The following ROBO2 variants were observed in gnomAD, a reference collection of about 807,000 sequenced individuals.
The protein encoded by ROBO2 is roundabout guidance receptor 2.
Under a neutral mutation model 160.8 loss-of-function variants are expected in ROBO2, and 53 were observed. That is an observed-to-expected ratio of 0.33 (90% CI 0.26 to 0.41). ROBO2 has a LOEUF of 0.41. Among genes scored for constraint, ROBO2 ranks in the 10% least tolerant of loss-of-function variants. The pLI is 1.00. For synonymous variants in ROBO2, 664 were observed against 611.7 expected (o/e 1.09, Z -1.26); for missense variants, 1,577 against 1,722.4 (o/e 0.92, Z 1.49).
At chr3:77,530,082 C>G (rs2091537775) in intron 6 of ROBO2, among the ~76,000 whole-genome samples, 1 of 151,676 alleles carries the variant, frequency 6.6e-6, no homozygotes, top group Non-Finnish European at 1.5e-5. Flanking sequence ...TGTTAATGCA[C>G]TAAAAAGCAC....
At chr3:76,816,646 G>T (rs1220526557) in intron 2 of ROBO2, among the ~76,000 whole-genome samples, 2 of 151,866 alleles carry the variant, frequency 1.3e-5, no homozygotes, top group African/African-American at 4.8e-5. Context: ...CACAACTATT[G>T]TGGAAGACAG....
At chr3:77,428,911 A>T (rs1338046744) in intron 2 of ROBO2, among the ~76,000 whole-genome samples, 1 of 152,168 alleles carries the variant, frequency 6.6e-6, no homozygotes, top group East Asian at 1.9e-4. Flanking sequence ...GTCAAAACTC[A>T]TAGAGTTTGA....
chr3:77,587,523 C>T (rs2094083082), intron 16 of ROBO2, among the ~76,000 whole-genome samples: 2 of 151,982 alleles, frequency 1.3e-5, no homozygotes, highest in Admixed American at 6.6e-5. Context: ...AATTTTGAGT[C>T]AAAAACTACA....
intron 2 of ROBO2, among the ~76,000 whole-genome samples, chr3:76,627,089 T>G (rs191014476): frequency 6.6e-6 from 1 of 152,358 alleles, no homozygotes; most frequent in East Asian, 1.9e-4. Flanking sequence ...TTTCTTGATG[T>G]GACAGTTACC....
At chr3:76,397,723 A>G (rs1315992450) in intron 2 of ROBO2, among the ~76,000 whole-genome samples, 4 of 152,244 alleles carry the variant, frequency 2.6e-5, no homozygotes, top group African/African-American at 9.6e-5. Flanking sequence ...CACATGAAAA[A>G]ATGCTCACCA....
chr3:76,999,339 A>C (rs1389798708), intron 2 of ROBO2, among the ~76,000 whole-genome samples: 1 of 152,106 alleles, frequency 6.6e-6, no homozygotes, highest in Non-Finnish European at 1.5e-5. Context: ...AATAAAAGCG[A>C]TAACCCCCTT....
At chr3:77,479,325 T>G (rs2084404846) in intron 3 of ROBO2, among the ~76,000 whole-genome samples, 1 of 152,186 alleles carries the variant, frequency 6.6e-6, no homozygotes, top group Admixed American at 6.5e-5. Context: ...GTGATTAATC[T>G]TTGCAGGTTA....
At chr3:76,412,651 G>A (rs891121813) in intron 2 of ROBO2, among the ~76,000 whole-genome samples, 3 of 152,180 alleles carry the variant, frequency 2.0e-5, no homozygotes, top group South Asian at 2.1e-4. Context: ...GCTCCAAAAC[G>A]ATCTCCTGTG....
chr3:76,908,030 G>A (rs564639512), intron 2 of ROBO2, among the ~76,000 whole-genome samples: 4 of 152,114 alleles, frequency 2.6e-5, no homozygotes, highest in African/African-American at 9.6e-5. Context: ...AGTAGAAACG[G>A]GTTTTCACCA....
At chr3:77,496,371 G>T (rs771009410) in intron 5 of ROBO2, among the ~76,000 whole-genome samples, 4 of 152,120 alleles carry the variant, frequency 2.6e-5, no homozygotes, top group Admixed American at 6.6e-5. Context: ...TTTCAGAGGA[G>T]TTTATTCATT....
chr3:77,416,979 A>G (rs1273653560), intron 2 of ROBO2, among the ~76,000 whole-genome samples: 1 of 152,142 alleles, frequency 6.6e-6, no homozygotes, highest in Non-Finnish European at 1.5e-5. Context: ...TAATGAGTTC[A>G]TTATGTACAT....
At chr3:77,549,837 G>T (rs949475412) in intron 7 of ROBO2, among the ~76,000 whole-genome samples, 2 of 151,944 alleles carry the variant, frequency 1.3e-5, no homozygotes, top group African/African-American at 4.8e-5. Context: ...TATTGAAACT[G>T]TTTAATTACA....
chr3:76,396,129 C>A (rs1445346716), intron 2 of ROBO2, among the ~76,000 whole-genome samples: 50 of 152,278 alleles, frequency 3.3e-4, no homozygotes. Context: ...CCACCATGAT[C>A]AAGTGGGCTT....
intron 2 of ROBO2, among the ~76,000 whole-genome samples, chr3:77,153,186 C>T (rs147293408): frequency 6.6e-6 from 1 of 152,028 alleles, no homozygotes. Flanking sequence ...CTCCTTTAAA[C>T]GTTTGGTAGA....
At chr3:76,078,011 A>G (rs1377608787) in intron 2 of ROBO2, among the ~76,000 whole-genome samples, 2 of 152,030 alleles carry the variant, frequency 1.3e-5, no homozygotes, top group African/African-American at 4.8e-5. Flanking sequence ...CCTGCTTTCC[A>G]CTCCCTCTCT....
chr3:77,134,590 C>A (rs1267888319), intron 2 of ROBO2, among the ~76,000 whole-genome samples: 2 of 152,170 alleles, frequency 1.3e-5, no homozygotes, highest in East Asian at 3.9e-4. Context: ...CAATTATAAA[C>A]CAACAGCTCT....
At chr3:76,542,287 G>C (rs1272374560) in intron 2 of ROBO2, among the ~76,000 whole-genome samples, 1 of 152,076 alleles carries the variant, frequency 6.6e-6, no homozygotes, top group Non-Finnish European at 1.5e-5. Context: ...GTATAATAGT[G>C]ATCAGCACTT....
At chr3:76,937,044 C>T (rs1048352399) in intron 2 of ROBO2, among the ~76,000 whole-genome samples, 11 of 151,854 alleles carry the variant, frequency 7.2e-5, no homozygotes, top group African/African-American at 1.9e-4. Context: ...CCTCCTTATC[C>T]TCAATCTACT....
chr3:76,541,645 C>T lies in ROBO2; in HGVS notation c.110-556369C>T, dbSNP rs751068274. On this transcript the variant is annotated intron_variant, in intron 2 of 26. Transcript: ENST00000487694. ...GTGTTTTGTTGGATCCCACTGATGG[C>T]GTGGCACACGTAAGAGAGGAGGCGC... Among the ~76,000 whole-genome samples the T allele has an allele frequency of 5.3e-5, 8 of 152,108 alleles. No homozygotes were observed. The East Asian group carries it at 5.8e-4, about 11-fold the overall frequency.
Sources: gnomAD v4.1 joint callset for allele counts (sites outside exome capture counted in the v4.1 genomes callset) on GRCh38, gnomAD v4.1.1 for gene constraint, MANE v1.5 for transcripts, NCBI Gene and HGNC (gene_info 2026-07-23, HGNC 2026-07-21) for gene names.